The following XKR6 variants were observed in gnomAD, a reference collection of about 807,000 sequenced individuals.
XKR6 encodes XK-related protein 6.
In XKR6, 22 loss-of-function variants were observed where a neutral mutation model predicts 56.7. The ratio of observed to expected loss-of-function variants is 0.39; its 90% CI spans 0.28 to 0.55. XKR6 has a LOEUF of 0.55. Among genes scored for constraint, XKR6 ranks in the 20% least tolerant of loss-of-function variants. XKR6 has a pLI of 0.66. For synonymous variants in XKR6, 524 were observed against 387.8 expected, an observed-to-expected ratio of 1.35 and a Z score of -4.13; for missense variants, 852 against 889.0, an observed-to-expected ratio of 0.96 and a Z score of 0.53.
intron 1 of XKR6, among the ~76,000 whole-genome samples, chr8:11,190,855 A>C (rs1803534597): frequency 6.6e-6 from 1 of 152,234 alleles, no homozygotes; most frequent in South Asian, 2.1e-4. Context: ...CTTCATCTGT[A>C]AAATGGGCAC....
intron 1 of XKR6, among the ~76,000 whole-genome samples, chr8:11,005,365 T>A (rs1249359237): frequency 6.6e-6 from 1 of 150,688 alleles, no homozygotes; most frequent in Non-Finnish European, 1.5e-5. Flanking sequence ...GTAGTAGATA[T>A]AGATATATAT....
intron 1 of XKR6, among the ~76,000 whole-genome samples, chr8:11,135,576 G>A (rs74974288): frequency 0.02 from 2,999 of 152,076 alleles, 119 homozygotes; most frequent in African/African-American, 0.069. Context: ...AATTCTTGCT[G>A]TTATCAGATA....
chr8:10,921,060 T>A (rs1800693979), intron 2 of XKR6, among the ~76,000 whole-genome samples: 1 of 152,224 alleles, frequency 6.6e-6, no homozygotes, highest in Non-Finnish European at 1.5e-5. Context: ...TTCCAAGGGG[T>A]CTGCTCTTGG....
rs571773144 is a variant in XKR6, at chr8:11,144,850, G to T, written c.764+55726C>A. Among the ~76,000 whole-genome samples the T allele has an allele frequency of 3.1e-4, 47 of 151,562 alleles. 1 individual carries two copies. Among genetic ancestry groups the T allele is most frequent in the African/African-American group, 1.1e-3 (46 of 41,272 alleles). Reference sequence around the variant, plus strand: ...GACAGCTCAGTTTGGAGGAAGGGAAGGGAAGGGAGGGGTAGGGAGGGGAAA... The same window carrying T: ...GACAGCTCAGTTTGGAGGAAGGGAATGGAAGGGAGGGGTAGGGAGGGGAAA... On this transcript the variant is annotated intron_variant, in intron 1 of 2. Transcript: ENST00000416569.
intron 1 of XKR6, among the ~76,000 whole-genome samples, chr8:11,007,567 G>A (rs1365869288): frequency 1.3e-5 from 2 of 152,240 alleles, no homozygotes; most frequent in African/African-American, 2.4e-5. Flanking sequence ...GATGAGTCAC[G>A]TGCAGCACAG....
At chr8:10,924,094 C>G (rs145623612) in intron 2 of XKR6, among the ~76,000 whole-genome samples, 2 of 152,208 alleles carry the variant, frequency 1.3e-5, no homozygotes, top group Non-Finnish European at 2.9e-5. Context: ...TTGCTTCCAG[C>G]CCCTCCTCCT....
At chr8:11,084,675 C>T (rs886188066) in intron 1 of XKR6, among the ~76,000 whole-genome samples, 4 of 152,186 alleles carry the variant, frequency 2.6e-5, no homozygotes, top group Admixed American at 2.0e-4. Flanking sequence ...CAGACTTCAG[C>T]TTTCAGAGTT....
intron 1 of XKR6, among the ~76,000 whole-genome samples, chr8:11,188,921 G>C (rs1172345485): frequency 6.6e-6 from 1 of 152,098 alleles, no homozygotes; most frequent in Non-Finnish European, 1.5e-5. Flanking sequence ...AGTGCAAAGG[G>C]AAGGTATTGA....
chr8:11,040,542 A>G (rs1050411605), intron 1 of XKR6, among the ~76,000 whole-genome samples: 3 of 151,836 alleles, frequency 2.0e-5, no homozygotes, highest in Non-Finnish European at 4.4e-5. Context: ...AACACAAAAC[A>G]AAACCTACCA....
intron 1 of XKR6, among the ~76,000 whole-genome samples, chr8:10,982,265 T>G (rs1797752907): frequency 6.6e-6 from 1 of 152,162 alleles, no homozygotes; most frequent in South Asian, 2.1e-4. Context: ...CAGTTGAAAA[T>G]CATTTCCAAG....
chr8:11,119,464 A>C (rs1201895093), intron 1 of XKR6, among the ~76,000 whole-genome samples: 1 of 152,164 alleles, frequency 6.6e-6, no homozygotes, highest in African/African-American at 2.4e-5. Context: ...GTAGGTCACT[A>C]AGGACTTGCT....
At chr8:10,963,323 C>G (rs1455893608) in intron 1 of XKR6, among the ~76,000 whole-genome samples, 1 of 152,216 alleles carries the variant, frequency 6.6e-6, no homozygotes, top group Non-Finnish European at 1.5e-5. Context: ...TCTCGACCAC[C>G]CTGTTTAAAA....
chr8:11,024,135 C>T (rs986338304), intron 1 of XKR6, among the ~76,000 whole-genome samples: 4 of 152,034 alleles, frequency 2.6e-5, no homozygotes, highest in Non-Finnish European at 4.4e-5. Flanking sequence ...GGAATTCCCT[C>T]GCCCTCAAGT....
At chr8:11,039,106 A>G (rs1248225009) in intron 1 of XKR6, among the ~76,000 whole-genome samples, 9 of 152,174 alleles carry the variant, frequency 5.9e-5, no homozygotes, top group Non-Finnish European at 1.3e-4. Context: ...TGGCAGGAAG[A>G]AGCCTGTAGT....
intron 1 of XKR6, among the ~76,000 whole-genome samples, chr8:11,100,081 T>C (rs1490009396): frequency 6.6e-6 from 1 of 152,168 alleles, no homozygotes; most frequent in Admixed American, 6.5e-5. Flanking sequence ...AGGCAGGGTC[T>C]AACTCTGTCG....
intron 1 of XKR6, among the ~76,000 whole-genome samples, chr8:10,970,805 T>TAAAAAA (rs34166964): frequency 5.3e-5 from 7 of 133,160 alleles, no homozygotes; most frequent in African/African-American, 1.9e-4. Flanking sequence ...AAAGGATCCT[T>TAAAAAA]AAAAAAAAAA....
chr8:10,946,215 G>A (rs73196842), intron 1 of XKR6, among the ~76,000 whole-genome samples: 30,023 of 151,958 alleles, frequency 0.2, 3,283 homozygotes, highest in South Asian at 0.33. Flanking sequence ...CATGGGGAAT[G>A]GGGGTGAGAT....
intron 1 of XKR6, among the ~76,000 whole-genome samples, chr8:11,078,355 G>A (rs1040390859): frequency 6.6e-6 from 1 of 152,144 alleles, no homozygotes; most frequent in Admixed American, 6.5e-5. Context: ...ACTTGCCCAA[G>A]AACACACAGC....
At chr8:11,043,982 C>T (rs1799347741) in intron 1 of XKR6, among the ~76,000 whole-genome samples, 3 of 152,204 alleles carry the variant, frequency 2.0e-5, no homozygotes, top group Admixed American at 1.3e-4. Flanking sequence ...TCTTTTTCTC[C>T]AGCAGCTAAA....
Sources: gnomAD v4.1 joint callset for allele counts (sites outside exome capture counted in the v4.1 genomes callset) on GRCh38, gnomAD v4.1.1 for gene constraint, MANE v1.5 for transcripts, NCBI Gene and HGNC (gene_info 2026-07-23, HGNC 2026-07-21) for gene names.